DNAH8: variants seen among roughly 807,000 people sequenced by gnomAD.
The protein encoded by DNAH8 is dynein axonemal heavy chain 8.
Under a neutral mutation model 562.1 loss-of-function variants are expected in DNAH8, and 382 were observed. The observed-to-expected ratio is 0.68, with a 90% CI of 0.63 to 0.74. The LOEUF (loss-of-function observed/expected upper bound fraction) is 0.74. Among genes scored for constraint, DNAH8 ranks in the 30% least tolerant of loss-of-function variants. The pLI, the probability that DNAH8 is intolerant of heterozygous loss-of-function variation, is 0.00. For synonymous variants in DNAH8, 1,881 were observed against 1,919.4 expected (o/e 0.98, Z 0.52); for missense variants, 5,203 against 5,620.4 (o/e 0.93, Z 2.37).
intron 1 of DNAH8, among the ~76,000 whole-genome samples, chr6:38,719,918 C>T (rs1394036612): frequency 6.6e-6 from 1 of 152,140 alleles, no homozygotes; most frequent in South Asian, 2.1e-4. Context: ...CCCTTACCAC[C>T]AGAAAATGGA....
intron 33 of DNAH8, among the ~76,000 whole-genome samples, chr6:38,841,450 A>T (rs1412408504): frequency 6.6e-6 from 1 of 152,128 alleles, no homozygotes; most frequent in Non-Finnish European, 1.5e-5. Context: ...AAAAAGATAG[A>T]ACGACTTTTA....
Position 39,012,433 on chromosome 6 carries a change from C to T in DNAH8, c.13525-15C>T. The stretch of plus-strand genomic sequence containing the variant: ...GATGTTTCTTATTCATGTGTTTTAA[C>T]TTTTTCTTCTCCAGAATCTGAGAGA... On this transcript the variant is annotated splice_polypyrimidine_tract_variant and intron_variant, in intron 90 of 92. Transcript: ENST00000327475. 6.2e-7 allele frequency: 1 copy of T among 1,610,344 alleles called. No individual in the cohort carries two copies. Among genetic ancestry groups the T allele is most frequent in the Non-Finnish European group, 8.5e-7 (1 of 1,177,106 alleles).
At position 38,771,969 on chromosome 6, in the gene DNAH8, A is replaced by G. The variant is rs113467284; in HGVS notation, c.1764+1410A>G. On this transcript the variant is annotated intron_variant, in intron 12 of 92. Coordinates refer to ENST00000327475, the MANE Select transcript of DNAH8 (RefSeq NM_001206927.2). ...TAACTTTTTGTTGATAACCCCAACT[A>G]TTTGCCAAAGTAGCTGCATCATTTT... is the stretch of plus-strand genomic sequence containing the variant. 8.3e-4 allele frequency among the ~76,000 whole-genome samples: 125 copies of G among 150,222 alleles called. 1 individual carries two copies. Among genetic ancestry groups the G allele is most frequent in the African/African-American group, 2.9e-3 (120 of 40,864 alleles).
Position 39,024,801 on chromosome 6 carries a change from T to C in DNAH8, c.13715-1745T>C, listed in dbSNP as rs535101463. 4.6e-5 allele frequency among the ~76,000 whole-genome samples: 7 copies of C among 152,344 alleles called. No individual in the cohort carries two copies. The South Asian group carries it at 1.0e-3, about 23-fold the overall frequency. ...TTTCCTGCCTCCTATACTTAACATT[T>C]TGTATCATAAAACCAGTCTCTCCTA... is the stretch of plus-strand genomic sequence containing the variant. On this transcript the variant is annotated intron_variant, in intron 91 of 92. Coordinates refer to ENST00000327475, the MANE Select transcript of DNAH8 (RefSeq NM_001206927.2).
Position 38,723,044 on chromosome 6 carries a change from G to A in DNAH8, c.235G>A (p.Ala79Thr), listed in dbSNP as rs761908514. ...GATAGTTCTTCCAGATGATCATGAA[G>A]CGGATCTGAATAGAGTTCGACAGAG... Reference protein sequence around the residue: ...EGIVLPDDHEADLNRVRQRLA... With the variant: ...EGIVLPDDHETDLNRVRQRLA... The change falls in exon 2 of 93, where the codon GCG (alanine) becomes ACG (threonine). Residue 79 changes from alanine (A) to threonine (T), a missense_variant. Physicochemically the swap from Ala to Thr is moderately conservative, Grantham distance 58. Coordinates refer to ENST00000327475, the MANE Select transcript of DNAH8 (RefSeq NM_001206927.2). The A allele has an allele frequency of 1.9e-6, 3 of 1,612,912 alleles. No individual in the cohort carries two copies. The South Asian group carries it at 3.3e-5, about 18-fold the overall frequency.
At chr6:38,813,412 T>A (rs149222427) in intron 24 of DNAH8, among the ~76,000 whole-genome samples, 234 of 151,928 alleles carry the variant, frequency 1.5e-3, no homozygotes, top group African/African-American at 5.3e-3. Flanking sequence ...CCACCCCCCA[T>A]CTGCTTGTAT....
At chr6:38,927,937 T>C (rs1782244365) in intron 74 of DNAH8, 1 of 152,196 alleles carries the variant, frequency 6.6e-6, no homozygotes, top group African/African-American at 2.4e-5. Flanking sequence ...TTCTCCTTAC[T>C]CAGACAACAT....
intron 53 of DNAH8, among the ~76,000 whole-genome samples, chr6:38,881,479 A>G (rs1480360679): frequency 6.6e-6 from 1 of 152,160 alleles, no homozygotes; most frequent in Non-Finnish European, 1.5e-5. Flanking sequence ...AGCAACAGCA[A>G]TGGTACAGTA....
chr6:38,777,104 T>G, intron 13 of DNAH8, among the ~76,000 whole-genome samples: 1 of 152,320 alleles, frequency 6.6e-6, no homozygotes, highest in Middle Eastern at 3.4e-3. Flanking sequence ...TAACACTTTT[T>G]GTGTTTTGGC....
chr6:38,965,216 G>A (rs1762893749), intron 82 of DNAH8, among the ~76,000 whole-genome samples: 2 of 152,096 alleles, frequency 1.3e-5, no homozygotes. Context: ...CTGGTTTTTA[G>A]AAGGTGATAT....
At position 38,894,614 on chromosome 6, in the gene DNAH8, T is replaced by C. The variant is rs940899339; in HGVS notation, c.8584-87T>C. The C allele has an allele frequency of 2.1e-5, 23 of 1,070,170 alleles. No individual in the cohort carries two copies. In the East Asian group the frequency reaches 5.3e-4, roughly 24 times the overall value. The allele number at this position is 1,070,170 out of a possible 1,614,324, so 66.3% of individuals were successfully genotyped here. On this transcript the variant is annotated intron_variant, in intron 58 of 92. Coordinates refer to ENST00000327475, the MANE Select transcript of DNAH8 (RefSeq NM_001206927.2). Reference sequence around the variant, plus strand: ...TTTACTCAGCAGATTTTATCTAAAATAGGATTTGTGAGACAGTTGTAAAAG... The same window carrying C: ...TTTACTCAGCAGATTTTATCTAAAACAGGATTTGTGAGACAGTTGTAAAAG...
At chr6:38,952,529 G>T (rs1052720693) in intron 82 of DNAH8, among the ~76,000 whole-genome samples, 1 of 152,156 alleles carries the variant, frequency 6.6e-6, no homozygotes, top group Non-Finnish European at 1.5e-5. Flanking sequence ...GATTGATTAT[G>T]AATCACTAAA....
chr6:38,821,444 T>C (rs947789787), intron 26 of DNAH8, among the ~76,000 whole-genome samples: 3 of 152,192 alleles, frequency 2.0e-5, no homozygotes, highest in African/African-American at 4.8e-5. Flanking sequence ...CAGAAGACTT[T>C]TTTTGCGGAA....
At position 38,841,311 on chromosome 6, in the gene DNAH8, C is replaced by T. The variant is rs139428559; in HGVS notation, c.4467-1057C>T. On this transcript the variant is annotated intron_variant, in intron 33 of 92. Coordinates refer to ENST00000327475, the MANE Select transcript of DNAH8 (RefSeq NM_001206927.2). Reference sequence around the variant, plus strand: ...GCATCTGCCTGTAATCTCAGCTACTCGGGAGGCTGAGGCAGGGGAATTGCT... The same window carrying T: ...GCATCTGCCTGTAATCTCAGCTACTTGGGAGGCTGAGGCAGGGGAATTGCT... Among the ~76,000 whole-genome samples the T allele has an allele frequency of 0.012, 1,880 of 151,926 alleles. 91 individuals carry two copies. In the East Asian group the frequency reaches 0.15, roughly 12 times the overall value.
In DNAH8 at chr6:38,770,476, G is replaced by C. The variant is rs370590661; in HGVS notation, c.1681G>C (p.Glu561Gln). 58 of 1,608,280 alleles carry C rather than the reference G, an allele frequency of 3.6e-5. No individual in the cohort carries two copies. In the Middle Eastern group the frequency reaches 1.5e-3, roughly 41 times the overall value. Reference sequence around the variant, plus strand: ...TCATAAAACAAGGAAACTGATTTCAGAATCCTCAGGGGAAAAATCTTTTGA... The same window carrying C: ...TCATAAAACAAGGAAACTGATTTCACAATCCTCAGGGGAAAAATCTTTTGA... ...SFHKTRKLIS[E>Q]SSGEKSFEVS... Residue 561 changes from glutamate to glutamine, a missense_variant, in exon 12 of 93, where the codon GAA (glutamate) becomes CAA (glutamine). Transcript: ENST00000327475.
At position 39,027,159 on chromosome 6, in the gene DNAH8, C is replaced by T. The variant is rs536956086; in HGVS notation, c.13836+492C>T. 4.6e-5 allele frequency among the ~76,000 whole-genome samples: 7 copies of T among 152,258 alleles called. No individual in the cohort carries two copies. In the East Asian group the frequency reaches 1.2e-3, roughly 25 times the overall value. ...ATGAGGTGGGAGGATTGCTTGAGCC[C>T]CGGAGGTTGAGGCTGCAATAAGCAG... On this transcript the variant is annotated intron_variant, in intron 92 of 92. Coordinates refer to ENST00000327475, the MANE Select transcript of DNAH8 (RefSeq NM_001206927.2).
chr6:38,926,213 A>G lies in DNAH8; in HGVS notation c.11118+3A>G. ...AGGAAAAAGAAAATGATTTACAGGT[A>G]TGTAGCATTTGGTGCAGGGGAAAGT... On this transcript the variant is annotated splice_donor_region_variant and intron_variant, in intron 74 of 92. Coordinates refer to ENST00000327475, the MANE Select transcript of DNAH8 (RefSeq NM_001206927.2). The G allele has an allele frequency of 8.1e-6, 13 of 1,612,810 alleles. No individual in the cohort carries two copies. The highest frequency in any genetic ancestry group is 1.1e-5 in the South Asian group (1 of 90,822).
At chr6:38,753,969 C>T (rs1270022001) in intron 9 of DNAH8, among the ~76,000 whole-genome samples, 2 of 152,166 alleles carry the variant, frequency 1.3e-5, no homozygotes, top group Non-Finnish European at 2.9e-5. Context: ...TTTTCCCCCT[C>T]ATTTTCTTTA....
intron 11 of DNAH8, chr6:38,764,109 A>G (rs1766765886): frequency 6.5e-6 from 1 of 153,430 alleles, no homozygotes; most frequent in Non-Finnish European, 1.5e-5. Flanking sequence ...TCAACTAGCA[A>G]GTTTATAGCA....
Sources: gnomAD v4.1 joint callset for allele counts (sites outside exome capture counted in the v4.1 genomes callset) on GRCh38, gnomAD v4.1.1 for gene constraint, MANE v1.5 for transcripts, NCBI Gene and HGNC (gene_info 2026-07-23, HGNC 2026-07-21) for gene names.